The following PKIB variants were observed in gnomAD, a reference collection of about 807,000 sequenced individuals.
PKIB encodes PKI-beta.
Under a neutral mutation model 4.5 loss-of-function variants are expected in PKIB, and 2 were observed. The observed-to-expected ratio is 0.44, with a 90% CI of 0.18 to 1.39. The LOEUF is 1.39. Among genes scored for constraint, PKIB ranks in the 40% most tolerant of loss-of-function variants. The pLI is 0.27. For missense variants in PKIB, 94 were observed against 92.6 expected (o/e 1.02, Z -0.06); for synonymous variants, 38 against 36.0 (o/e 1.06, Z -0.20).
At chr6:122,621,585 A>G (rs950904754) in intron 1 of PKIB, among the ~76,000 whole-genome samples, 1 of 152,220 alleles carries the variant, frequency 6.6e-6, no homozygotes, top group African/African-American at 2.4e-5. Flanking sequence ...TTTGCCACAT[A>G]AAGGGGAAGG....
intron 2 of PKIB, among the ~76,000 whole-genome samples, chr6:122,553,503 T>TTTTTTTTTTTTTTTTTTTTC (rs1491110198): frequency 7.6e-6 from 1 of 130,852 alleles, no homozygotes; most frequent in East Asian, 2.2e-4. Flanking sequence ...TTTTTTTTTT[T>TTTTTTTTTTTTTTTTTTTTC]CTGAAAAAGG....
At chr6:122,663,601 T>C (rs1267274086) in intron 2 of PKIB, among the ~76,000 whole-genome samples, 1 of 152,172 alleles carries the variant, frequency 6.6e-6, no homozygotes, top group Non-Finnish European at 1.5e-5. Flanking sequence ...TTCTGGTAGC[T>C]CCAGGTATCC....
chr6:122,495,214 C>A (rs958150324), intron 2 of PKIB, among the ~76,000 whole-genome samples: 1 of 152,164 alleles, frequency 6.6e-6, no homozygotes, highest in African/African-American at 2.4e-5. Flanking sequence ...CTGCATGCCA[C>A]CAATAGCAAA....
At chr6:122,493,646 A>G (rs1775998052) in intron 2 of PKIB, among the ~76,000 whole-genome samples, 1 of 152,136 alleles carries the variant, frequency 6.6e-6, no homozygotes, top group Non-Finnish European at 1.5e-5. Flanking sequence ...CTTGTCTGAG[A>G]GTCTATTTTG....
At chr6:122,509,790 G>A (rs1469024410) in intron 2 of PKIB, among the ~76,000 whole-genome samples, 1 of 152,072 alleles carries the variant, frequency 6.6e-6, no homozygotes, top group African/African-American at 2.4e-5. Context: ...GTGGCAAAAA[G>A]GACCACTTAA....
chr6:122,544,411 G>C (rs572218638), intron 2 of PKIB, among the ~76,000 whole-genome samples: 1 of 151,776 alleles, frequency 6.6e-6, no homozygotes, highest in African/African-American at 2.4e-5. Flanking sequence ...TAAATTGTCT[G>C]AGCATAACCT....
intron 3 of PKIB, among the ~76,000 whole-genome samples, chr6:122,682,781 C>T (rs924176213): frequency 2.5e-4 from 38 of 152,274 alleles, no homozygotes; most frequent in African/African-American, 5.8e-4. Context: ...CTCTGGTCCA[C>T]GTCCTCCTGG....
intron 1 of PKIB, among the ~76,000 whole-genome samples, chr6:122,629,494 C>T (rs72964518): frequency 0.26 from 38,888 of 151,918 alleles, 5,473 homozygotes; most frequent in East Asian, 0.39. Flanking sequence ...TTTGAGTAGA[C>T]ACAACATCCT....
intron 2 of PKIB, among the ~76,000 whole-genome samples, chr6:122,517,838 A>G (rs913272418): frequency 2.6e-5 from 4 of 152,234 alleles, no homozygotes; most frequent in African/African-American, 9.6e-5. Flanking sequence ...TGTGATATTA[A>G]CATCATTCTC....
At chr6:122,720,457 A>G (rs2115085702) in intron 4 of PKIB, among the ~76,000 whole-genome samples, 1 of 152,176 alleles carries the variant, frequency 6.6e-6, no homozygotes, top group South Asian at 2.1e-4. Flanking sequence ...GATGAATTGG[A>G]TGTGGCAGAG....
At chr6:122,607,328 CAAAACAAAACAAA>C (rs1178331395), upstream of PKIB, among the ~76,000 whole-genome samples, 25 of 151,782 alleles carry the variant, frequency 1.6e-4, no homozygotes, top group African/African-American at 4.1e-4. Context: ...CAAAACAAAA[CAAAACAAAACAAA>C]AAAACAAAAC....
At chr6:122,631,972 G>A (rs1775721526) in intron 1 of PKIB, among the ~76,000 whole-genome samples, 1 of 152,188 alleles carries the variant, frequency 6.6e-6, no homozygotes, top group African/African-American at 2.4e-5. Flanking sequence ...CAAATTGGAA[G>A]TTCAGTTACT....
At position 122,703,916 on chromosome 6, in the gene PKIB, A is replaced by ATG. The variant is rs1562311325; in HGVS notation, c.-8-13865_-8-13864dup. Among the ~76,000 whole-genome samples, 5 of 140,206 alleles carry ATG rather than the reference A, an allele frequency of 3.6e-5. No individual in the cohort carries two copies. In the East Asian group the frequency reaches 6.1e-4, roughly 17 times the overall value. 92.0% of individuals were successfully genotyped at this position (140,206 alleles called of 152,430 possible). ...TCTATATAAAAAACGCTATATATAT[A>ATG]TGTGTGTATATATATATATATATAT... On this transcript the variant is annotated intron_variant, in intron 3 of 4. Transcript: ENST00000368452.
intron 1 of PKIB, among the ~76,000 whole-genome samples, chr6:122,611,862 A>G (rs140364717): frequency 1.9e-4 from 29 of 152,292 alleles, no homozygotes; most frequent in South Asian, 6.2e-4. Context: ...GTGCTGGTCA[A>G]TGCCCCCCTA....
chr6:122,570,498 G>A lies in PKIB; in HGVS notation c.-247-15423G>A, dbSNP rs528269949. On this transcript the variant is annotated intron_variant, in intron 2 of 6. Transcript: ENST00000392491. ...AGTAAATAAAAAAGCATACACCATG[G>A]GAGAATGAGATAAGCTTCAAAAATC... Among the ~76,000 whole-genome samples, 9 of 152,210 alleles carry A rather than the reference G, an allele frequency of 5.9e-5. No individual in the cohort carries two copies. The East Asian group carries it at 1.7e-3, about 29-fold the overall frequency.
intron 2 of PKIB, among the ~76,000 whole-genome samples, chr6:122,642,141 A>G (rs2114851663): frequency 6.6e-6 from 1 of 152,356 alleles, no homozygotes; most frequent in Non-Finnish European, 1.5e-5. Flanking sequence ...TTCCATGTTC[A>G]GACTATAAAA....
chr6:122,600,026 T>TCTATATCTATAG lies in PKIB; in HGVS notation c.-161+14024_-161+14025insTCTATAGCTATA, dbSNP rs1554223101. On this transcript the variant is annotated intron_variant, in intron 3 of 6. Transcript: ENST00000392491. ...ATCTATATCTATATCTATATCTATA[T>TCTATATCTATAG]CTATAGCTATATCTATCTATACAAA... is the stretch of plus-strand genomic sequence containing the variant. Among the ~76,000 whole-genome samples, 132 of 147,706 alleles carry TCTATATCTATAG rather than the reference T, an allele frequency of 8.9e-4. 1 individual carries two copies. The highest frequency in any genetic ancestry group is 3.4e-3 in the East Asian group (17 of 5,008).
chr6:122,478,479 G>T (rs1454713463), intron 2 of PKIB: 1 of 152,204 alleles, frequency 6.6e-6, no homozygotes, highest in Non-Finnish European at 1.5e-5. Flanking sequence ...CAGCAGTTTA[G>T]ATGCCATGGG....
chr6:122,708,677 A>C (rs1294036496), intron 3 of PKIB, among the ~76,000 whole-genome samples: 1 of 152,178 alleles, frequency 6.6e-6, no homozygotes, highest in East Asian at 1.9e-4. Flanking sequence ...TCTGTTGCCC[A>C]GGCTGGAGTG....
Sources: gnomAD v4.1 joint callset for allele counts (sites outside exome capture counted in the v4.1 genomes callset) on GRCh38, gnomAD v4.1.1 for gene constraint, MANE v1.5 for transcripts, NCBI Gene and HGNC (gene_info 2026-07-23, HGNC 2026-07-21) for gene names.